LMBR1: variants seen among roughly 807,000 people sequenced by gnomAD.
The protein encoded by LMBR1 is limb region 1 protein homolog.
A neutral mutation model predicts 73.9 loss-of-function variants in LMBR1; 52 were observed. The ratio of observed to expected loss-of-function variants is 0.70; its 90% CI spans 0.56 to 0.89. LMBR1 has a LOEUF of 0.89. Ranked by LOEUF, LMBR1 falls within the 40% of genes least tolerant of loss-of-function variation. The pLI, the probability that LMBR1 is intolerant of heterozygous loss-of-function variation, is 0.00. For missense variants in LMBR1, 539 were observed against 579.8 expected (o/e 0.93, Z 0.72); for synonymous variants, 215 against 209.4 (o/e 1.03, Z -0.23).
intron 9 of LMBR1, among the ~76,000 whole-genome samples, chr7:156,750,379 T>C (rs1444370336): frequency 6.6e-6 from 1 of 152,164 alleles, no homozygotes; most frequent in East Asian, 1.9e-4. Context: ...AATGGGACTT[T>C]CTGTTGGGCT....
At chr7:156,774,108 A>G (rs1825707218) in intron 5 of LMBR1, among the ~76,000 whole-genome samples, 1 of 152,198 alleles carries the variant, frequency 6.6e-6, no homozygotes, top group Non-Finnish European at 1.5e-5. Flanking sequence ...GAAGCACATG[A>G]AAAAAATGCA....
chr7:156,699,617 C>A (rs951420488), intron 15 of LMBR1, among the ~76,000 whole-genome samples: 18 of 151,946 alleles, frequency 1.2e-4, no homozygotes, highest in Non-Finnish European at 2.5e-4. Context: ...AGTGAACAGG[C>A]AACCTACAGA....
At chr7:156,778,730 G>A (rs1826589059) in intron 5 of LMBR1, among the ~76,000 whole-genome samples, 1 of 152,166 alleles carries the variant, frequency 6.6e-6, no homozygotes, top group Admixed American at 6.5e-5. Context: ...CAAGCTTCAA[G>A]AACACAGCCT....
intron 10 of LMBR1, among the ~76,000 whole-genome samples, chr7:156,730,598 T>C (rs748516716): frequency 1.3e-5 from 2 of 152,178 alleles, no homozygotes; most frequent in African/African-American, 2.4e-5. Flanking sequence ...AGAGTTTCTA[T>C]AGTTTTGTAT....
At chr7:156,777,036 A>C (rs1585722659) in intron 5 of LMBR1, among the ~76,000 whole-genome samples, 2 of 148,366 alleles carry the variant, frequency 1.3e-5, no homozygotes, top group African/African-American at 2.5e-5. Context: ...GGTTCACGCC[A>C]CTCTCCCGCC....
chr7:156,892,719 C>CGAAGG (rs1563649450), intron 1 of LMBR1: 12 of 344,100 alleles, frequency 3.5e-5, no homozygotes, highest in Non-Finnish European at 5.6e-5. Flanking sequence ...GCAGAGGAAG[C>CGAAGG]GAAGGGGAGG....
chr7:156,760,061 A>T (rs1822682714), intron 8 of LMBR1, among the ~76,000 whole-genome samples: 1 of 152,194 alleles, frequency 6.6e-6, no homozygotes, highest in South Asian at 2.1e-4. Context: ...ACCAGGGGTG[A>T]GTCAGGATGG....
At chr7:156,769,376 G>A (rs1038759168) in intron 5 of LMBR1, among the ~76,000 whole-genome samples, 1 of 152,144 alleles carries the variant, frequency 6.6e-6, no homozygotes, top group African/African-American at 2.4e-5. Context: ...GACAGCCAAA[G>A]CACCATTCAG....
intron 15 of LMBR1, among the ~76,000 whole-genome samples, chr7:156,700,410 G>A (rs1224010945): frequency 1.3e-5 from 2 of 152,054 alleles, no homozygotes; most frequent in African/African-American, 2.4e-5. Context: ...GAGGAGGGGG[G>A]GAGGGATAGC....
At chr7:156,748,254 T>C (rs553293217) in intron 9 of LMBR1, among the ~76,000 whole-genome samples, 130 of 152,288 alleles carry the variant, frequency 8.5e-4, no homozygotes, top group African/African-American at 2.6e-3. Flanking sequence ...AAGATAGAAA[T>C]TGTTAAATAA....
chr7:156,762,846 A>AGTGTGTTTGT (rs1554505711), intron 7 of LMBR1, among the ~76,000 whole-genome samples: 146 of 148,628 alleles, frequency 9.8e-4, no homozygotes, highest in African/African-American at 3.5e-3. Flanking sequence ...TGTGAGTGTG[A>AGTGTGTTTGT]GTGTGTGTGT....
In LMBR1 at chr7:156,796,376, T is replaced by C. The variant is rs1381614420; in HGVS notation, c.423+13A>G. On this transcript the variant is annotated intron_variant, in intron 5 of 16. Transcript: ENST00000353442. The stretch of plus-strand genomic sequence containing the variant: ...CACTTAACCAATTTAATTCCAATAC[T>C]AGATTCACTTACCTTTTTCAGGCCA... The C allele has an allele frequency of 3.2e-6, 5 of 1,558,488 alleles. No homozygotes were observed. Among genetic ancestry groups the C allele is most frequent in the South Asian group, 1.2e-5 (1 of 84,158 alleles).
chr7:156,824,563 A>G (rs1361203614), intron 4 of LMBR1, among the ~76,000 whole-genome samples: 1 of 152,160 alleles, frequency 6.6e-6, no homozygotes, highest in Admixed American at 6.5e-5. Context: ...CACACATAAA[A>G]AGTGACATCT....
At chr7:156,724,282 T>G (rs1482119137) in intron 14 of LMBR1, 104 bp from the exon 15 acceptor site, 1 of 790,480 alleles carries the variant, frequency 1.3e-6, no homozygotes, top group East Asian at 2.7e-5. Flanking sequence ...TTACCTAGTG[T>G]ACTTTGCCGA....
At position 156,725,439 on chromosome 7, in the gene LMBR1, G is replaced by C; in HGVS notation, c.1154C>G (p.Thr385Arg). Reference protein sequence around the residue: ...FTPKKDDTTMTKIIGNCVSIL... With the variant: ...FTPKKDDTTMRKIIGNCVSIL... ...TCACCTAAGATTCTACCTTACCTTT[G>C]TCATAGTTGTGTCATCTTTCTTGGG... Residue 385 changes from threonine to arginine, a missense_variant, in exon 14 of 17, where the codon ACA becomes AGA. Physicochemically the swap from Thr to Arg is moderately conservative, Grantham distance 71. Coordinates refer to ENST00000353442, the MANE Select transcript of LMBR1 (RefSeq NM_022458.4). 1 of 1,597,586 alleles carries C rather than the reference G, an allele frequency of 6.3e-7. No homozygotes were observed. Among genetic ancestry groups the C allele is most frequent in the Non-Finnish European group, 8.6e-7 (1 of 1,168,662 alleles).
chr7:156,770,394 A>C (rs1824962414), intron 5 of LMBR1, among the ~76,000 whole-genome samples: 1 of 152,204 alleles, frequency 6.6e-6, no homozygotes, highest in African/African-American at 2.4e-5. Flanking sequence ...CTGAATGCAA[A>C]AAATTAACAA....
intron 4 of LMBR1, among the ~76,000 whole-genome samples, chr7:156,815,939 T>C (rs77677606): frequency 0.018 from 2,753 of 151,444 alleles, 86 homozygotes; most frequent in African/African-American, 0.062. Flanking sequence ...TTCTGGAGCA[T>C]AAAAGAAGGC....
chr7:156,783,252 G>C (rs2133214052), intron 5 of LMBR1, among the ~76,000 whole-genome samples: 1 of 152,218 alleles, frequency 6.6e-6, no homozygotes, highest in Admixed American at 6.5e-5. Flanking sequence ...GCTCACTGCA[G>C]CTTCAAACTC....
chr7:156,727,428 A>C (rs1378433961), intron 12 of LMBR1, among the ~76,000 whole-genome samples: 1 of 152,170 alleles, frequency 6.6e-6, no homozygotes, highest in Non-Finnish European at 1.5e-5. Flanking sequence ...CTGTTCTATC[A>C]GTGGGTTTGG....
Sources: allele counts gnomAD v4.1 joint callset (sites outside exome capture counted in the v4.1 genomes callset), GRCh38; gene constraint gnomAD v4.1.1; transcripts MANE v1.5; gene names NCBI Gene and HGNC (gene_info 2026-07-23, HGNC 2026-07-21).